DPF3: variants seen among roughly 807,000 people sequenced by gnomAD.
DPF3 encodes zinc finger protein DPF3.
DPF3 carries 18 observed loss-of-function variants against 56.8 expected under a neutral mutation model. That is an observed-to-expected ratio of 0.32 (90% CI 0.22 to 0.47). DPF3 has a LOEUF of 0.47. Among genes scored for constraint, DPF3 ranks in the 20% least tolerant of loss-of-function variants. The pLI is 1.00. For missense variants in DPF3, 403 were observed against 488.8 expected, an observed-to-expected ratio of 0.82 and a Z score of 1.65; for synonymous variants, 188 against 180.2, an observed-to-expected ratio of 1.04 and a Z score of -0.35.
Position 72,844,148 on chromosome 14 carries a change from C to T in DPF3, c.32+49909G>A, listed in dbSNP as rs116942357. 7.6e-4 allele frequency among the ~76,000 whole-genome samples: 115 copies of T among 152,306 alleles called. 1 individual carries two copies. Among genetic ancestry groups the T allele is most frequent in the South Asian group, 5.8e-3 (28 of 4,820 alleles). On this transcript the variant is annotated intron_variant, in intron 1 of 10. Transcript: ENST00000556509. ...TACTGAGATATATAAAACACGGGTA[C>T]ACACATAACAGGTTCTAGTCCATGC...
At chr14:72,796,182 G>C (rs2139992777) in intron 1 of DPF3, among the ~76,000 whole-genome samples, 1 of 152,334 alleles carries the variant, frequency 6.6e-6, no homozygotes, top group South Asian at 2.1e-4. Context: ...AAGAAAGTAT[G>C]TAACTTATCT....
At chr14:72,716,279 C>T (rs1888925144) in intron 5 of DPF3, among the ~76,000 whole-genome samples, 1 of 152,134 alleles carries the variant, frequency 6.6e-6, no homozygotes, top group African/African-American at 2.4e-5. Context: ...GGCTGACCAG[C>T]AGAGTGACTC....
chr14:72,690,218 C>G (rs1379352517), intron 7 of DPF3, among the ~76,000 whole-genome samples: 2 of 152,170 alleles, frequency 1.3e-5, no homozygotes, highest in African/African-American at 4.8e-5. Context: ...CAGCTTCTTT[C>G]CCAAGCAAGG....
chr14:72,625,611 A>T (rs1346228660), intron 9 of DPF3, among the ~76,000 whole-genome samples: 1 of 152,178 alleles, frequency 6.6e-6, no homozygotes, highest in African/African-American at 2.4e-5. Context: ...CTGTGTTGTC[A>T]TTGCTTCTAG....
intron 6 of DPF3, among the ~76,000 whole-genome samples, chr14:72,710,065 G>A (rs1178254354): frequency 2.6e-5 from 4 of 152,358 alleles, no homozygotes; most frequent in East Asian, 3.9e-4. Context: ...TTGCTATGAT[G>A]TTTCTTGAAC....
intron 5 of DPF3, among the ~76,000 whole-genome samples, chr14:72,722,771 C>G (rs1368065000): frequency 1.3e-5 from 2 of 152,226 alleles, no homozygotes; most frequent in African/African-American, 4.8e-5. Flanking sequence ...AGACGGCCAC[C>G]ACAGAAAGCC....
chr14:72,697,013 C>T (rs546310168), intron 6 of DPF3, among the ~76,000 whole-genome samples: 1 of 152,182 alleles, frequency 6.6e-6, no homozygotes, highest in South Asian at 2.1e-4. Flanking sequence ...GATGGATGGC[C>T]GTAGCAGGCA....
intron 1 of DPF3, among the ~76,000 whole-genome samples, chr14:72,872,043 T>TA (rs1555515182): frequency 1.3e-5 from 2 of 152,206 alleles, no homozygotes; most frequent in Admixed American, 6.5e-5. Flanking sequence ...CAGTTCTAGA[T>TA]ACCTGTGCAC....
intron 7 of DPF3, among the ~76,000 whole-genome samples, chr14:72,677,191 A>G (rs955183631): frequency 6.6e-6 from 1 of 152,126 alleles, no homozygotes; most frequent in African/African-American, 2.4e-5. Context: ...GTGGAGGTAC[A>G]TTTTTAGTCT....
intron 1 of DPF3, among the ~76,000 whole-genome samples, chr14:72,773,196 G>A (rs1324836176): frequency 6.7e-5 from 10 of 148,982 alleles, no homozygotes; most frequent in Non-Finnish European, 1.3e-4. Flanking sequence ...GCAACGGTGC[G>A]ATCTCAGCTC....
At chr14:72,623,285 CAT>C (rs1884578037) in intron 9 of DPF3, among the ~76,000 whole-genome samples, 2 of 151,874 alleles carry the variant, frequency 1.3e-5, no homozygotes, top group African/African-American at 4.8e-5. Flanking sequence ...TTTACACAGT[CAT>C]AAAACAAAAT....
chr14:72,741,406 T>C (rs1269564056), intron 3 of DPF3, among the ~76,000 whole-genome samples: 1 of 152,232 alleles, frequency 6.6e-6, no homozygotes. Context: ...CCTAGGCCTG[T>C]GATCCCTGTT....
At chr14:72,713,421 C>T (rs544349312) in intron 6 of DPF3, among the ~76,000 whole-genome samples, 75 of 152,284 alleles carry the variant, frequency 4.9e-4, no homozygotes, top group African/African-American at 1.6e-3. Context: ...ACCCCTACCC[C>T]GCCTTGCCAG....
In DPF3 at chr14:72,617,314, C is replaced by T. The variant is rs777318137; in HGVS notation, c.*1983G>A. Among the ~76,000 whole-genome samples, 30 of 152,064 alleles carry T rather than the reference C, an allele frequency of 2.0e-4. No individual in the cohort carries two copies. The highest frequency in any genetic ancestry group is 5.2e-4 in the Admixed American group (8 of 15,264). On this transcript the variant is annotated 3_prime_UTR_variant, in exon 11 of 11. Coordinates refer to ENST00000556509, the MANE Select transcript of DPF3 (RefSeq NM_001280542.3). ...TTTTTCTAAATTTAAATTAAAATGA[C>T]GCTCAAAACCAATTATTAGCCTTTG...
At chr14:72,620,091 A>G in intron 9 of DPF3, 107 bp from the exon 10 acceptor site, 1 of 1,199,378 alleles carries the variant, frequency 8.3e-7, no homozygotes, top group Non-Finnish European at 1.1e-6. Flanking sequence ...GTCTCACTGG[A>G]TCCCCTTTCC....
At chr14:72,838,905 A>ATATATATATATATATTT in intron 1 of DPF3, among the ~76,000 whole-genome samples, 1 of 64,480 alleles carries the variant, frequency 1.6e-5, no homozygotes, top group African/African-American at 6.7e-5. Flanking sequence ...TATCATATAT[A>ATATATATATATATATTT]TTCTTTTTTT....
At chr14:72,821,878 T>C (rs1178284553) in intron 1 of DPF3, among the ~76,000 whole-genome samples, 3 of 151,922 alleles carry the variant, frequency 2.0e-5, no homozygotes, top group Non-Finnish European at 4.4e-5. Context: ...CACTGTCGTG[T>C]GTACCTGTAG....
At chr14:72,673,475 G>A (rs1439839517) in intron 8 of DPF3, among the ~76,000 whole-genome samples, 1 of 152,090 alleles carries the variant, frequency 6.6e-6, no homozygotes, top group Admixed American at 6.6e-5. Context: ...AACCAACCAT[G>A]GCCAGCCAAA....
At chr14:72,634,597 T>C (rs970332687) in intron 8 of DPF3, among the ~76,000 whole-genome samples, 3 of 152,136 alleles carry the variant, frequency 2.0e-5, no homozygotes, top group Non-Finnish European at 4.4e-5. Context: ...TCACTTGATA[T>C]TTGAGGATCC....
Sources: gnomAD v4.1 joint callset for allele counts (sites outside exome capture counted in the v4.1 genomes callset) on GRCh38, gnomAD v4.1.1 for gene constraint, MANE v1.5 for transcripts, NCBI Gene and HGNC (gene_info 2026-07-23, HGNC 2026-07-21) for gene names.